The following NSRP1 variants were observed in gnomAD, a reference collection of about 807,000 sequenced individuals.
NSRP1 encodes the protein coiled-coil domain containing 55.
A neutral mutation model predicts 54.7 loss-of-function variants in NSRP1; 24 were observed. The observed-to-expected ratio is 0.44, with a 90% CI of 0.32 to 0.62. The LOEUF is 0.62. Among genes scored for constraint, NSRP1 ranks in the 20% least tolerant of loss-of-function variants. The pLI is 0.06. For synonymous variants in NSRP1, 210 were observed against 213.8 expected, an observed-to-expected ratio of 0.98 and a Z score of 0.15; for missense variants, 596 against 651.2, an observed-to-expected ratio of 0.92 and a Z score of 0.92.
chr17:30,177,974 T>C (rs1475788797), intron 3 of NSRP1, 97 bp from the exon 4 acceptor site: 1 of 1,328,850 alleles, frequency 7.5e-7, no homozygotes, highest in South Asian at 1.2e-5. Flanking sequence ...ATTTTTATGA[T>C]ATATTTTCAA....
intron 2 of NSRP1, chr17:30,154,336 A>T (rs2071941539): frequency 6.6e-6 from 1 of 151,092 alleles, no homozygotes; most frequent in Admixed American, 6.6e-5. Context: ...AAAAAAAGAT[A>T]TATTAAGTTT....
chr17:30,163,006 A>C (rs1904575091), intron 2 of NSRP1: 1 of 151,856 alleles, frequency 6.6e-6, no homozygotes. Context: ...CAGCCTCCTG[A>C]GTAGCTGGGA....
intron 2 of NSRP1, among the ~76,000 whole-genome samples, chr17:30,121,904 A>G (rs1285493950): frequency 2.0e-5 from 3 of 151,870 alleles, no homozygotes; most frequent in African/African-American, 7.3e-5. Flanking sequence ...CGGCATCACC[A>G]CTGTTTAGAA....
chr17:30,171,972 ACTCCCTCT>A (rs1276665901), intron 2 of NSRP1, among the ~76,000 whole-genome samples: 46 of 46,640 alleles, frequency 9.9e-4, no homozygotes, highest in African/African-American at 2.5e-3. Context: ...ACACACACAC[ACTCCCTCT>A]CTCTCTCTCT....
intron 2 of NSRP1, among the ~76,000 whole-genome samples, chr17:30,166,966 C>T (rs1160097335): frequency 1.3e-5 from 2 of 152,060 alleles, no homozygotes; most frequent in Non-Finnish European, 2.9e-5. Flanking sequence ...TTCTGTCAAA[C>T]ACTGAATATA....
At chr17:30,146,323 C>T (rs996039070) in intron 2 of NSRP1, among the ~76,000 whole-genome samples, 1 of 152,126 alleles carries the variant, frequency 6.6e-6, no homozygotes, top group African/African-American at 2.4e-5. Flanking sequence ...TTAGAACTGC[C>T]TTGGATTTAT....
At chr17:30,118,218 T>G in intron 2 of NSRP1, 45 bp downstream of exon 2, 1 of 1,512,158 alleles carries the variant, frequency 6.6e-7, no homozygotes, top group South Asian at 1.1e-5. Context: ...GAAATGTAAA[T>G]TTTTTAAAAA....
intron 2 of NSRP1, among the ~76,000 whole-genome samples, chr17:30,145,889 C>G (rs1044488229): frequency 6.6e-6 from 1 of 152,144 alleles, no homozygotes; most frequent in African/African-American, 2.4e-5. Flanking sequence ...CCACACTGTT[C>G]CTCAGGCTTG....
At chr17:30,152,148 A>G (rs1321987570) in intron 2 of NSRP1, among the ~76,000 whole-genome samples, 1 of 143,964 alleles carries the variant, frequency 6.9e-6, no homozygotes, top group Non-Finnish European at 1.5e-5. Context: ...TTTAAAACAG[A>G]GTCTGTCTCT....
chr17:30,136,167 TTAAAAAC>T (rs1198106533), intron 2 of NSRP1, among the ~76,000 whole-genome samples: 1 of 152,036 alleles, frequency 6.6e-6, no homozygotes, highest in Non-Finnish European at 1.5e-5. Flanking sequence ...TGTCTCAAAA[TTAAAAAC>T]AAAAAACAAA....
At chr17:30,184,468 C>G (rs1339972748) in intron 6 of NSRP1, 147 bp from the exon 7 acceptor site, 1 of 991,170 alleles carries the variant, frequency 1.0e-6, no homozygotes, top group Non-Finnish European at 1.4e-6. Flanking sequence ...ACATCAGGAC[C>G]TTTTTGCATT....
intron 2 of NSRP1, among the ~76,000 whole-genome samples, chr17:30,126,770 G>T (rs77552583): frequency 0.027 from 4,171 of 152,186 alleles, 166 homozygotes; most frequent in African/African-American, 0.095. Flanking sequence ...GTATTTTTTT[G>T]TAGAGACAGG....
chr17:30,154,826 A>G (rs1295878620), intron 2 of NSRP1, among the ~76,000 whole-genome samples: 4 of 152,238 alleles, frequency 2.6e-5, no homozygotes, highest in African/African-American at 7.2e-5. Flanking sequence ...TAACAGCTGA[A>G]CATTCCTAAT....
intron 2 of NSRP1, among the ~76,000 whole-genome samples, chr17:30,137,636 T>G (rs2071761875): frequency 6.6e-6 from 1 of 152,260 alleles, no homozygotes; most frequent in South Asian, 2.1e-4. Flanking sequence ...GGATCAATTC[T>G]CAAAATTAAC....
intron 3 of NSRP1, among the ~76,000 whole-genome samples, chr17:30,176,917 T>A (rs1905145724): frequency 6.6e-6 from 1 of 152,210 alleles, no homozygotes. Flanking sequence ...TCAGATAGAT[T>A]CTTTTGAATA....
intron 2 of NSRP1, among the ~76,000 whole-genome samples, chr17:30,121,328 G>A (rs1437388449): frequency 6.6e-6 from 1 of 151,894 alleles, no homozygotes; most frequent in Non-Finnish European, 1.5e-5. Flanking sequence ...TCAGGTGAGA[G>A]ATCTCAACCT....
intron 2 of NSRP1, among the ~76,000 whole-genome samples, chr17:30,155,005 T>C (rs545275881): frequency 6.6e-6 from 1 of 152,336 alleles, no homozygotes; most frequent in Non-Finnish European, 1.5e-5. Context: ...GTTTTGATGA[T>C]AGTTTTTCTG....
At chr17:30,151,936 A>G (rs191875282) in intron 2 of NSRP1, among the ~76,000 whole-genome samples, 1 of 150,924 alleles carries the variant, frequency 6.6e-6, no homozygotes, top group Non-Finnish European at 1.5e-5. Flanking sequence ...CGCCCGGGTA[A>G]TTTTGTATTT....
chr17:30,144,257 A>ATTT (rs1263904144), intron 2 of NSRP1: 9 of 145,994 alleles, frequency 6.2e-5, no homozygotes, highest in East Asian at 6.1e-4. Context: ...TATTATTATT[A>ATTT]TTATTATTAT....
Sources: gnomAD v4.1 joint callset for allele counts (sites outside exome capture counted in the v4.1 genomes callset) on GRCh38, gnomAD v4.1.1 for gene constraint, MANE v1.5 for transcripts, NCBI Gene and HGNC (gene_info 2026-07-23, HGNC 2026-07-21) for gene names.